TET3: variants seen among roughly 807,000 people sequenced by gnomAD.
The protein encoded by TET3 is methylcytosine dioxygenase TET3.
Under a neutral mutation model 141.4 loss-of-function variants are expected in TET3, and 19 were observed. The ratio of observed to expected loss-of-function variants is 0.13; its 90% CI spans 0.09 to 0.20. The LOEUF is 0.20. Ranked by LOEUF, TET3 falls within the 10% of genes least tolerant of loss-of-function variation. TET3 has a pLI of 1.00. For missense variants in TET3, 1,874 were observed against 2,356.9 expected (o/e 0.80, Z 4.24); for synonymous variants, 1,043 against 980.9 (o/e 1.06, Z -1.18).
In TET3 at chr2:74,048,251, A is replaced by C; in HGVS notation, c.2334A>C (p.Gly778=). 6.2e-7 allele frequency: 1 copy of C among 1,613,612 alleles called. No individual in the cohort carries two copies. Among genetic ancestry groups the C allele is most frequent in the Non-Finnish European group, 8.5e-7 (1 of 1,179,808 alleles). ...LSTTCFHSEE[G]GQEATPTKAE... ...CCACCTGCTTCCATTCAGAGGAGGGAGGACAGGAGGCCACACCCACCAAGG... is the reference window on the plus strand; with the variant it reads ...CCACCTGCTTCCATTCAGAGGAGGGCGGACAGGAGGCCACACCCACCAAGG... The change falls in exon 4 of 12, where the codon GGA becomes GGC. Residue 778 remains glycine, a synonymous_variant. Transcript: ENST00000409262.
At chr2:74,020,100 C>T (rs1685955862) in intron 3 of TET3, among the ~76,000 whole-genome samples, 1 of 152,180 alleles carries the variant, frequency 6.6e-6, no homozygotes, top group South Asian at 2.1e-4. Flanking sequence ...CTACTATTCT[C>T]CTCCAGAGTA....
At chr2:74,006,636 C>G (rs1685162941) in intron 3 of TET3, among the ~76,000 whole-genome samples, 1 of 152,184 alleles carries the variant, frequency 6.6e-6, no homozygotes, top group Admixed American at 6.5e-5. Context: ...CTTGCCAAGT[C>G]CCCTCCCATA....
Position 74,107,080 on chromosome 2 carries a change from A to T in TET3, c.*4904A>T, listed in dbSNP as rs555238494. On this transcript the variant is annotated 3_prime_UTR_variant, in exon 12 of 12. Coordinates refer to ENST00000409262, the MANE Select transcript of TET3 (RefSeq NM_001287491.2). ...CTGCCTCTGCTGTAGTACATGGCCA[A>T]CTTCAACATACCCTGGACCAAAACA... The T allele has an allele frequency of 3.3e-5, 5 of 152,378 alleles. No homozygotes were observed. In the South Asian group the frequency reaches 8.3e-4, roughly 25 times the overall value. The allele number at this position is 152,378 out of a possible 1,614,324, so 9.4% of individuals were successfully genotyped here.
At position 74,062,392 on chromosome 2, in the gene TET3, C is replaced by G. The variant is rs866292667; in HGVS notation, c.2495-11157C>G. Among the ~76,000 whole-genome samples the G allele has an allele frequency of 3.3e-5, 5 of 152,198 alleles. 1 individual carries two copies. The South Asian group carries it at 1.0e-3, about 32-fold the overall frequency. ...CACTAAATCTGTTCAAATGTAAAGT[C>G]TAACTTTAAATGACAGTTATTTTTC... is the stretch of plus-strand genomic sequence containing the variant. On this transcript the variant is annotated intron_variant, in intron 4 of 11. Coordinates refer to ENST00000409262, the MANE Select transcript of TET3 (RefSeq NM_001287491.2).
intron 5 of TET3, among the ~76,000 whole-genome samples, chr2:74,078,438 C>A (rs61000685): frequency 1.1e-4 from 17 of 152,302 alleles, no homozygotes; most frequent in East Asian, 3.8e-4. Flanking sequence ...TTTTCCCCCC[C>A]ACTTAATTTC....
chr2:74,048,108 C>T lies in TET3; in HGVS notation c.2191C>T (p.Pro731Ser). 1 of 1,613,552 alleles carries T rather than the reference C, an allele frequency of 6.2e-7. No homozygotes were observed. The highest frequency in any genetic ancestry group is 8.5e-7 in the Non-Finnish European group (1 of 1,179,716). Residue 731 changes from proline to serine, a missense_variant, in exon 4 of 12, where the codon CCC (proline) becomes TCC (serine). Transcript: ENST00000409262. ...SFGLPGPPSVPIQDPENQQTC... is the reference protein window; with the variant it reads ...SFGLPGPPSVSIQDPENQQTC... ...TGGGCTTCCCGGCCCCCCTTCTGTG[C>T]CCATTCAGGACCCCGAGAACCAGCA...
intron 3 of TET3, among the ~76,000 whole-genome samples, chr2:74,045,715 G>T (rs1469990405): frequency 6.6e-6 from 1 of 152,208 alleles, no homozygotes; most frequent in African/African-American, 2.4e-5. Context: ...TGCTCAGCCT[G>T]GGCTTAAGTG....
chr2:74,047,881 C>T lies in TET3; in HGVS notation c.1964C>T (p.Ala655Val). 6.2e-7 allele frequency: 1 copy of T among 1,613,064 alleles called. No homozygotes were observed. The highest frequency in any genetic ancestry group is 8.5e-7 in the Non-Finnish European group (1 of 1,179,476). The change falls in exon 4 of 12, where the codon GCT (alanine) becomes GTT (valine). Residue 655 changes from alanine (A) to valine (V), a missense_variant. Physicochemically the swap from Ala to Val is moderately conservative, Grantham distance 64. This residue lies in a region of TET3 where 484 missense variants were observed against 462.2 expected (regional missense o/e 1.05). Coordinates refer to ENST00000409262, the MANE Select transcript of TET3 (RefSeq NM_001287491.2). ...PAPLPASQGS[A>V]VPLPPEPSLA... ...CCTCTGCCTGCCTCACAGGGCTCTG[C>T]TGTGCCCCTGCCCCCAGAACCTTCT... is the stretch of plus-strand genomic sequence containing the variant.
At chr2:74,029,316 A>G (rs142545944) in intron 3 of TET3, among the ~76,000 whole-genome samples, 3 of 152,308 alleles carry the variant, frequency 2.0e-5, no homozygotes, top group Non-Finnish European at 2.9e-5. Flanking sequence ...AGGGAATAAT[A>G]AGCCCAAATA....
intron 3 of TET3, among the ~76,000 whole-genome samples, chr2:74,018,117 G>A (rs1441844178): frequency 6.6e-6 from 1 of 151,970 alleles, no homozygotes; most frequent in East Asian, 1.9e-4. Flanking sequence ...ACAGGCATGT[G>A]CCACCGTGCC....
chr2:74,061,374 C>T (rs1350880420), intron 4 of TET3, among the ~76,000 whole-genome samples: 1 of 125,808 alleles, frequency 7.9e-6, no homozygotes, highest in African/African-American at 3.2e-5. Context: ...GGGGGGCTGA[C>T]CCCCCCACCT....
chr2:74,110,331 A>G (rs1034065659), downstream of TET3, among the ~76,000 whole-genome samples: 2 of 151,996 alleles, frequency 1.3e-5, no homozygotes, highest in Non-Finnish European at 2.9e-5. Flanking sequence ...GGTTTACCCA[A>G]CCCAGCTACA....
chr2:74,037,887 G>A (rs985139452), intron 3 of TET3, among the ~76,000 whole-genome samples: 2 of 152,232 alleles, frequency 1.3e-5, no homozygotes, highest in African/African-American at 4.8e-5. Context: ...GAGTAAGGAA[G>A]GATTTGGGAA....
chr2:74,070,422 G>A (rs946086197), intron 4 of TET3, among the ~76,000 whole-genome samples: 4 of 152,144 alleles, frequency 2.6e-5, no homozygotes, highest in African/African-American at 9.7e-5. Context: ...CCATGATTCA[G>A]TTATCTCTCA....
At chr2:74,003,061 C>T (rs1039671766) in intron 2 of TET3, 49 bp from the exon 3 acceptor site, 3 of 1,547,898 alleles carry the variant, frequency 1.9e-6, no homozygotes, top group Admixed American at 2.0e-5. Context: ...GACTTTGCTG[C>T]CTTCCTGGTA....
intron 3 of TET3, among the ~76,000 whole-genome samples, chr2:74,045,965 GTC>G (rs1479617267): frequency 3.3e-5 from 5 of 152,212 alleles, no homozygotes; most frequent in African/African-American, 9.6e-5. Context: ...CTTTTTGTGT[GTC>G]TCTGGTTTTA....
At chr2:74,026,008 A>G (rs957834472) in intron 3 of TET3, among the ~76,000 whole-genome samples, 3 of 152,188 alleles carry the variant, frequency 2.0e-5, no homozygotes, top group Non-Finnish European at 4.4e-5. Context: ...CATAGCTCCC[A>G]GGGAACACTC....
intron 8 of TET3, among the ~76,000 whole-genome samples, chr2:74,092,500 C>G (rs1690556935): frequency 6.6e-6 from 1 of 152,134 alleles, no homozygotes; most frequent in African/African-American, 2.4e-5. Flanking sequence ...CTTTCTCTTC[C>G]TGTCTGTAGC....
the TET3 span, among the ~76,000 whole-genome samples, chr2:74,122,759 C>A: frequency 1.4e-5 from 2 of 141,626 alleles, no homozygotes; most frequent in African/African-American, 5.3e-5. Context: ...GGGGTTTCAC[C>A]TTGTTGGCCA....
Sources: gnomAD v4.1 joint callset for allele counts (sites outside exome capture counted in the v4.1 genomes callset) on GRCh38, gnomAD v4.1.1 for gene constraint, gnomAD v4.1.1 regional missense constraint, MANE v1.5 for transcripts, NCBI Gene and HGNC (gene_info 2026-07-23, HGNC 2026-07-21) for gene names.